Variants in ST14 observed in about 807,000 individuals in gnomAD.
ST14 encodes the protein suppressor of tumorigenicity 14 protein.
Under a neutral mutation model 96.5 loss-of-function variants are expected in ST14, and 40 were observed. The observed-to-expected ratio is 0.41, with a 90% CI of 0.32 to 0.54. The LOEUF is 0.54. Ranked by LOEUF, ST14 falls within the 20% of genes least tolerant of loss-of-function variation. ST14 has a pLI of 0.17. For missense variants in ST14, 1,066 were observed against 1,188.9 expected (o/e 0.90, Z 1.52); for synonymous variants, 506 against 492.1 (o/e 1.03, Z -0.37).
At chr11:130,162,812 C>G (rs1160937094) in intron 1 of ST14, among the ~76,000 whole-genome samples, 1 of 152,194 alleles carries the variant, frequency 6.6e-6, no homozygotes, top group African/African-American at 2.4e-5. Flanking sequence ...TGGCATCTCT[C>G]TAACCCAGGC....
chr11:130,183,876 C>T (rs1369852713), intron 1 of ST14, among the ~76,000 whole-genome samples: 1 of 152,156 alleles, frequency 6.6e-6, no homozygotes, highest in Non-Finnish European at 1.5e-5. Flanking sequence ...ATTGGAGACA[C>T]CCCAAATGTC....
Position 130,198,629 on chromosome 11 carries a change from C to A in ST14, c.1684+8C>A, listed in dbSNP as rs532010522. On this transcript the variant is annotated splice_region_variant and intron_variant, in intron 14 of 18. Transcript: ENST00000278742. ...AGGCCTCCTGCCCCAAGGGTGAGGC[C>A]CGCCCCACCCATCTTCCTGTTGGGG... 6.2e-7 allele frequency: 1 copy of A among 1,606,556 alleles called. No homozygotes were observed. Among genetic ancestry groups the A allele is most frequent in the Admixed American group, 1.7e-5 (1 of 59,934 alleles).
At chr11:130,195,119 A>G in intron 9 of ST14, among the ~76,000 whole-genome samples, 1 of 152,124 alleles carries the variant, frequency 6.6e-6, no homozygotes, top group Non-Finnish European at 1.5e-5. Context: ...CAGGTGATAC[A>G]TGCCTGTAGT....
chr11:130,189,133 G>C (rs1405228778), intron 4 of ST14, among the ~76,000 whole-genome samples, 194 bp downstream of exon 4: 1 of 152,238 alleles, frequency 6.6e-6, no homozygotes, highest in East Asian at 1.9e-4. Context: ...AAAGGTGCCT[G>C]TAGCTGTTGC....
chr11:130,206,315 G>A (rs777903032), intron 16 of ST14, among the ~76,000 whole-genome samples: 17 of 152,102 alleles, frequency 1.1e-4, no homozygotes, highest in Non-Finnish European at 2.1e-4. Flanking sequence ...CACCTGGCTC[G>A]GGACGCCCAA....
chr11:130,187,780 G>C lies in ST14; in HGVS notation c.82-334G>C, dbSNP rs565263487. ...ACGTCAAAGGTGATTCACTGAAGGGGAGACCTGGATGACCGGGTTCGACAG... is the reference window on the plus strand; with the variant it reads ...ACGTCAAAGGTGATTCACTGAAGGGCAGACCTGGATGACCGGGTTCGACAG... On this transcript the variant is annotated intron_variant, in intron 1 of 18. Coordinates refer to ENST00000278742, the MANE Select transcript of ST14 (RefSeq NM_021978.4). This position sits in a 1 kb window ranked among gnomAD's most constrained non-coding sequence, Gnocchi z 4.5. Among the ~76,000 whole-genome samples, 6 of 152,322 alleles carry C rather than the reference G, an allele frequency of 3.9e-5. No individual in the cohort carries two copies. The highest frequency in any genetic ancestry group is 1.4e-4 in the African/African-American group (6 of 41,584).
At chr11:130,171,387 A>C (rs1427559277) in intron 1 of ST14, among the ~76,000 whole-genome samples, 1 of 152,218 alleles carries the variant, frequency 6.6e-6, no homozygotes, top group East Asian at 1.9e-4. Flanking sequence ...TCATTTGCTA[A>C]GGAAAATGCT....
At chr11:130,199,208 G>A in intron 15 of ST14, 139 bp downstream of exon 15, 1 of 1,007,850 alleles carries the variant, frequency 9.9e-7, no homozygotes, top group Non-Finnish European at 1.5e-6. Flanking sequence ...GTCTCCTGGA[G>A]GAAAGGATAG....
intron 16 of ST14, among the ~76,000 whole-genome samples, chr11:130,205,556 C>G (rs532968988): frequency 8.5e-5 from 13 of 152,296 alleles, no homozygotes; most frequent in African/African-American, 3.1e-4. Context: ...CATTGTGAGG[C>G]TTCCCACCAG....
intron 9 of ST14, among the ~76,000 whole-genome samples, chr11:130,195,680 C>G (rs907507744): frequency 2.0e-5 from 3 of 152,104 alleles, no homozygotes; most frequent in Non-Finnish European, 2.9e-5. Flanking sequence ...TTGTGAAACC[C>G]TGTCTCTACT....
intron 14 of ST14, 56 bp downstream of exon 14, chr11:130,198,677 C>A: frequency 6.6e-7 from 1 of 1,517,130 alleles, no homozygotes; most frequent in Non-Finnish European, 9.1e-7. Flanking sequence ...GAGGAGGCTG[C>A]CCTGAGCACA....
At chr11:130,207,106 T>C (rs1953497588) in intron 16 of ST14, among the ~76,000 whole-genome samples, 1 of 152,184 alleles carries the variant, frequency 6.6e-6, no homozygotes. Flanking sequence ...AGAAACAAAA[T>C]GTTCCAGGTT....
intron 1 of ST14, among the ~76,000 whole-genome samples, chr11:130,178,761 C>A (rs1953164257): frequency 6.6e-6 from 1 of 152,156 alleles, no homozygotes; most frequent in Non-Finnish European, 1.5e-5. Flanking sequence ...TGCAGCCCCA[C>A]CTGTTTTCCA....
Position 130,188,359 on chromosome 11 carries a change from C to T in ST14, c.241+86C>T. 6.3e-7 allele frequency: 1 copy of T among 1,581,346 alleles called. No individual in the cohort carries two copies. Among genetic ancestry groups the T allele is most frequent in the South Asian group, 1.2e-5 (1 of 86,002 alleles). ...CAGCGGACAGACCCAGGGCCACCTA[C>T]TGAGTACACGAGGATCTCTTGGCCT... On this transcript the variant is annotated intron_variant, in intron 2 of 18. Coordinates refer to ENST00000278742, the MANE Select transcript of ST14 (RefSeq NM_021978.4). This position sits in a 1 kb window ranked among gnomAD's most constrained non-coding sequence, Gnocchi z 5.4.
intron 1 of ST14, among the ~76,000 whole-genome samples, chr11:130,184,432 C>T (rs1418180058): frequency 6.6e-6 from 1 of 152,196 alleles, no homozygotes; most frequent in African/African-American, 2.4e-5. Flanking sequence ...TCTGAAATGT[C>T]ATCACAATAC....
rs1488797765 is a variant in ST14 at position 130,210,025 on chromosome 11, G to A, written c.*202G>A. The A allele has an allele frequency of 2.5e-5, 17 of 667,174 alleles. No individual in the cohort carries two copies. Among genetic ancestry groups the A allele is most frequent in the East Asian group, 2.5e-4 (9 of 35,804 alleles). The allele number at this position is 667,174 out of a possible 1,614,324, so 41.3% of individuals were successfully genotyped here. A position where few individuals can be genotyped will look rare whatever the true frequency, so the allele number is the denominator to read the frequency against. On this transcript the variant is annotated 3_prime_UTR_variant, in exon 19 of 19. Transcript: ENST00000278742. ...CCAAAGTGGAGCTGGGAGGTAGAAGGGGAGGACACTGGTGGTTCTACTGAC... is the reference window on the plus strand; with the variant it reads ...CCAAAGTGGAGCTGGGAGGTAGAAGAGGAGGACACTGGTGGTTCTACTGAC...
chr11:130,175,770 T>C (rs1953131548), intron 1 of ST14, among the ~76,000 whole-genome samples: 1 of 151,892 alleles, frequency 6.6e-6, no homozygotes, highest in South Asian at 2.1e-4. Context: ...TTCAAGCGAT[T>C]CTCCTGTCTC....
rs1327665607 is a variant in ST14 at position 130,181,991 on chromosome 11, C to T, written c.82-6123C>T. Among the ~76,000 whole-genome samples, 2 of 152,362 alleles carry T rather than the reference C, an allele frequency of 1.3e-5. No individual in the cohort carries two copies. Among genetic ancestry groups the T allele is most frequent in the East Asian group, 3.9e-4 (2 of 5,186 alleles). ...ACCCCTGAGTCAATGCCCTCAGCCA[C>T]CTTACCCCTTCTCATGGGAGTCTCT... is the stretch of plus-strand genomic sequence containing the variant. On this transcript the variant is annotated intron_variant, in intron 1 of 18. Transcript: ENST00000278742. The surrounding 1 kb of genome is among the most constrained non-coding windows in gnomAD (Gnocchi z 4.1).
In ST14 at chr11:130,181,869, G is replaced by C. The variant is rs1434321848; in HGVS notation, c.82-6245G>C. ...TGATTAGACAGCACTTTTAGGCTGGGTGGAGCCACAGAACTCACACTGCAG... is the reference window on the plus strand; with the variant it reads ...TGATTAGACAGCACTTTTAGGCTGGCTGGAGCCACAGAACTCACACTGCAG... On this transcript the variant is annotated intron_variant, in intron 1 of 18. Coordinates refer to ENST00000278742, the MANE Select transcript of ST14 (RefSeq NM_021978.4). The surrounding 1 kb of genome is among the most constrained non-coding windows in gnomAD (Gnocchi z 4.1). 6.6e-6 allele frequency among the ~76,000 whole-genome samples: 1 copy of C among 152,240 alleles called. No individual in the cohort carries two copies. The highest frequency in any genetic ancestry group is 1.9e-4 in the East Asian group (1 of 5,202).
Sources: gnomAD v4.1 joint callset for allele counts (sites outside exome capture counted in the v4.1 genomes callset) on GRCh38, gnomAD v4.1.1 for gene constraint, Gnocchi (gnomAD v3.1) non-coding constraint, MANE v1.5 for transcripts, NCBI Gene and HGNC (gene_info 2026-07-23, HGNC 2026-07-21) for gene names.